Variants in PRKN observed in about 807,000 individuals in gnomAD.
PRKN encodes the protein parkin RBR E3 ubiquitin protein ligase.
Under a neutral mutation model 59.5 loss-of-function variants are expected in PRKN, and 56 were observed. The observed-to-expected ratio is 0.94, with a 90% CI of 0.76 to 1.18. The LOEUF is 1.18. PRKN is among the 50% of genes most tolerant of loss of function. The pLI is 0.00. For missense variants in PRKN, 657 were observed against 596.4 expected, an observed-to-expected ratio of 1.10 and a Z score of -1.06; for synonymous variants, 250 against 222.1, an observed-to-expected ratio of 1.13 and a Z score of -1.12.
chr6:161,920,782 G>A (rs1778755678), intron 6 of PRKN, among the ~76,000 whole-genome samples: 1 of 145,316 alleles, frequency 6.9e-6, no homozygotes. Flanking sequence ...GAGTGAGACT[G>A]TCTAAAAAAA....
Position 161,841,271 on chromosome 6 carries a change from CAG to C in PRKN, c.735-55365_735-55364del, listed in dbSNP as rs567952759. 2.7e-4 allele frequency among the ~76,000 whole-genome samples: 41 copies of C among 152,108 alleles called. 1 individual carries two copies. Among genetic ancestry groups the C allele is most frequent in the South Asian group, 1.0e-3 (5 of 4,808 alleles). On this transcript the variant is annotated intron_variant, in intron 6 of 11. Transcript: ENST00000366898. Reference sequence around the variant, plus strand: ...AGGGAATGAGCATATCTCCTAATGACAGAGTCTCTCCTTGACCCAACGTTAGT... The same window carrying C: ...AGGGAATGAGCATATCTCCTAATGACAGTCTCTCCTTGACCCAACGTTAGT...
intron 6 of PRKN, among the ~76,000 whole-genome samples, chr6:161,823,675 C>T (rs757824405): frequency 4.6e-4 from 70 of 152,168 alleles, no homozygotes; most frequent in Non-Finnish European, 7.1e-4. Context: ...ATTAAAGCCA[C>T]ATTTGGCAAG....
intron 2 of PRKN, among the ~76,000 whole-genome samples, chr6:162,338,821 G>C (rs1320845263): frequency 6.6e-6 from 1 of 150,578 alleles, no homozygotes; most frequent in Non-Finnish European, 1.5e-5. Flanking sequence ...GCCTCTTCCC[G>C]GCCACCATCA....
At chr6:162,380,790 G>A (rs143042993) in intron 2 of PRKN, among the ~76,000 whole-genome samples, 79 of 151,860 alleles carry the variant, frequency 5.2e-4, no homozygotes, top group African/African-American at 1.7e-3. Flanking sequence ...TTCAACTGGC[G>A]CTCAGTGAAT....
intron 10 of PRKN, among the ~76,000 whole-genome samples, chr6:161,380,398 A>C (rs1785916021): frequency 6.6e-6 from 1 of 150,750 alleles, no homozygotes; most frequent in Non-Finnish European, 1.5e-5. Flanking sequence ...CTATGAGAAC[A>C]GTGGCCAAGT....
At chr6:162,534,536 A>C (rs2128197800) in intron 1 of PRKN, among the ~76,000 whole-genome samples, 1 of 152,160 alleles carries the variant, frequency 6.6e-6, no homozygotes, top group South Asian at 2.1e-4. Flanking sequence ...ATATGGCTTT[A>C]TTTTTTGCAC....
intron 4 of PRKN, 48 bp downstream of exon 4, chr6:162,201,083 A>T: frequency 6.2e-7 from 1 of 1,600,608 alleles, no homozygotes; most frequent in Non-Finnish European, 8.6e-7. Flanking sequence ...ATGTGTTAGT[A>T]CACATTCATT....
chr6:162,368,242 C>T (rs1234882537), intron 2 of PRKN, among the ~76,000 whole-genome samples: 3 of 152,072 alleles, frequency 2.0e-5, no homozygotes, highest in Admixed American at 6.6e-5. Context: ...GGTGTCTACA[C>T]AGGTAAGAGA....
chr6:162,515,934 T>C (rs946846375), intron 1 of PRKN, among the ~76,000 whole-genome samples: 3 of 151,962 alleles, frequency 2.0e-5, no homozygotes, highest in Non-Finnish European at 2.9e-5. Context: ...ATAAGAGGAG[T>C]CCCAGGAACG....
intron 1 of PRKN, among the ~76,000 whole-genome samples, chr6:162,548,164 A>G (rs1481667589): frequency 1.3e-5 from 2 of 152,020 alleles, no homozygotes; most frequent in East Asian, 3.9e-4. Context: ...GGTTCAAGTG[A>G]TTCTCCTGCC....
intron 1 of PRKN, among the ~76,000 whole-genome samples, chr6:162,507,483 C>CT (rs746988661): frequency 6.6e-6 from 1 of 152,098 alleles, no homozygotes. Flanking sequence ...CAGTTCGCTC[C>CT]TTTTGCCAGC....
chr6:161,739,957 G>T (rs1054115155), intron 7 of PRKN, among the ~76,000 whole-genome samples: 1 of 152,078 alleles, frequency 6.6e-6, no homozygotes, highest in African/African-American at 2.4e-5. Context: ...GTTTCTCCAT[G>T]TTGGCCCGGC....
In PRKN at chr6:161,566,221, G is replaced by C. The variant is rs1187414574; in HGVS notation, c.933+3134C>G. On this transcript the variant is annotated intron_variant, in intron 8 of 11. Transcript: ENST00000366898. This position sits in a 1 kb window ranked among gnomAD's most constrained non-coding sequence, Gnocchi z 4.1. The stretch of plus-strand genomic sequence containing the variant: ...CTCTCACATGAATCCATTCGAGGCA[G>C]GCTTTCCCCTCACTGCCCATGGTCA... Among the ~76,000 whole-genome samples the C allele has an allele frequency of 1.3e-5, 2 of 152,160 alleles. No homozygotes were observed. The highest frequency in any genetic ancestry group is 2.9e-5 in the Non-Finnish European group (2 of 68,036).
At chr6:161,650,416 TAC>T (rs1784109343) in intron 7 of PRKN, among the ~76,000 whole-genome samples, 1 of 152,182 alleles carries the variant, frequency 6.6e-6, no homozygotes, top group East Asian at 1.9e-4. Context: ...TTGTGTTTTA[TAC>T]AGTTTGTCTT....
intron 4 of PRKN, among the ~76,000 whole-genome samples, chr6:162,200,895 T>C (rs1784700841): frequency 6.6e-6 from 1 of 152,214 alleles, no homozygotes; most frequent in Admixed American, 6.5e-5. Context: ...TTCATAGGCC[T>C]GGATAAAGTA....
At chr6:161,585,470 CA>C (rs1264530166) in intron 7 of PRKN, among the ~76,000 whole-genome samples, 2 of 152,062 alleles carry the variant, frequency 1.3e-5, no homozygotes, top group Admixed American at 1.3e-4. Flanking sequence ...TATGTCATAC[CA>C]AAGAGAAATT....
chr6:162,092,619 G>A (rs6917337), intron 4 of PRKN, among the ~76,000 whole-genome samples: 90,313 of 151,906 alleles, frequency 0.59, 26,985 homozygotes, highest in East Asian at 0.78. Context: ...AGTTTAAGGG[G>A]CTAATAAGGT....
intron 5 of PRKN, among the ~76,000 whole-genome samples, chr6:162,025,108 T>C (rs937643305): frequency 1.3e-5 from 2 of 149,880 alleles, no homozygotes; most frequent in South Asian, 2.1e-4. Context: ...CTCCACCTCC[T>C]GGGTCCACGC....
chr6:162,015,397 A>C (rs758950695), intron 5 of PRKN, among the ~76,000 whole-genome samples: 2 of 152,210 alleles, frequency 1.3e-5, no homozygotes, highest in Non-Finnish European at 2.9e-5. Flanking sequence ...ATCAAAGGTA[A>C]CTGCAAAGGG....
Sources: allele counts gnomAD v4.1 joint callset (sites outside exome capture counted in the v4.1 genomes callset), GRCh38; gene constraint gnomAD v4.1.1; non-coding constraint Gnocchi (gnomAD v3.1); transcripts MANE v1.5; gene names NCBI Gene and HGNC (gene_info 2026-07-23, HGNC 2026-07-21).